Variants in PSD2 observed in about 807,000 individuals in gnomAD.
PSD2 encodes PH and SEC7 domain-containing protein 2.
In PSD2, 38 loss-of-function variants were observed where a neutral mutation model predicts 69.8. The observed-to-expected ratio is 0.54, with a 90% CI of 0.42 to 0.71. The LOEUF (loss-of-function observed/expected upper bound fraction) is 0.71, where lower values mean the gene tolerates loss of function less well. Among genes scored for constraint, PSD2 ranks in the 30% least tolerant of loss-of-function variants. The pLI is 0.00. For missense variants in PSD2, 943 were observed against 1,014.5 expected (o/e 0.93, Z 0.96); for synonymous variants, 412 against 423.0 (o/e 0.97, Z 0.32).
rs114323763 is a variant in PSD2 at position 139,837,049 on chromosome 5, G to A, written c.1594+48G>A. On this transcript the variant is annotated intron_variant, in intron 10 of 14. Transcript: ENST00000274710. This position sits in a 1 kb window ranked among gnomAD's most constrained non-coding sequence, Gnocchi z 5.0. ...GGCATGGGAGGGAGGCTGGCACAGAGGGGGGCGCCACGGGCCACTCTTTGG... is the reference window on the plus strand; with the variant it reads ...GGCATGGGAGGGAGGCTGGCACAGAAGGGGGCGCCACGGGCCACTCTTTGG... 3.7e-3 allele frequency: 5,817 copies of A among 1,593,120 alleles called. 209 individuals carry two copies. In the African/African-American group the frequency reaches 0.067, roughly 18 times the overall value.
chr5:139,780,807 G>A, the PSD2 span, among the ~76,000 whole-genome samples: 1 of 152,186 alleles, frequency 6.6e-6, no homozygotes, highest in African/African-American at 2.4e-5. Context: ...TTAATGATGA[G>A]AGTAGCAAAC....
At position 139,837,374 on chromosome 5, in the gene PSD2, C is replaced by T. The variant is rs1201210335; in HGVS notation, c.1665+136C>T. 2.1e-6 allele frequency: 2 copies of T among 931,408 alleles called. No individual in the cohort carries two copies. Among genetic ancestry groups the T allele is most frequent in the Non-Finnish European group, 1.6e-6 (1 of 614,136 alleles). The allele number at this position is 931,408 out of a possible 1,614,324, so 57.7% of individuals were successfully genotyped here. On this transcript the variant is annotated intron_variant, in intron 11 of 14. Transcript: ENST00000274710. This position sits in a 1 kb window ranked among gnomAD's most constrained non-coding sequence, Gnocchi z 5.0. ...CTGGGTCCTTCCCCAGACTTGGGCC[C>T]TCTCAGGGCTTTGGAGGTTTTTGGG... is the stretch of plus-strand genomic sequence containing the variant.
the PSD2 span, among the ~76,000 whole-genome samples, chr5:139,765,500 G>C: frequency 6.6e-6 from 1 of 152,116 alleles, no homozygotes; most frequent in African/African-American, 2.4e-5. Context: ...CTACAATCTC[G>C]TTCTGCCCAG....
intron 1 of PSD2, among the ~76,000 whole-genome samples, chr5:139,800,426 G>A (rs1419060022): frequency 6.6e-6 from 1 of 152,206 alleles, no homozygotes; most frequent in Non-Finnish European, 1.5e-5. Context: ...TTTCACACTT[G>A]CTCTTTGTGT....
chr5:139,796,231 C>A (rs1407867081), intron 1 of PSD2, among the ~76,000 whole-genome samples: 1 of 152,086 alleles, frequency 6.6e-6, no homozygotes, highest in East Asian at 1.9e-4. Context: ...GGAGAGGGGG[C>A]GCCGCGGGAA....
At chr5:139,781,529 G>A in the PSD2 span, among the ~76,000 whole-genome samples, 2 of 151,998 alleles carry the variant, frequency 1.3e-5, no homozygotes, top group South Asian at 4.2e-4. Flanking sequence ...TAGAGATGGG[G>A]TTTCACTGTG....
chr5:139,826,027 AT>A (rs1010884370), intron 7 of PSD2, among the ~76,000 whole-genome samples: 1 of 152,192 alleles, frequency 6.6e-6, no homozygotes, highest in African/African-American at 2.4e-5. Flanking sequence ...ACAAGACAGC[AT>A]TTCGAGGAGA....
At chr5:139,800,122 T>G (rs919554843) in intron 1 of PSD2, among the ~76,000 whole-genome samples, 3 of 152,346 alleles carry the variant, frequency 2.0e-5, no homozygotes, top group South Asian at 2.1e-4. Context: ...AGATGGCAGC[T>G]GCCCCTGTGG....
At chr5:139,766,651 C>T in the PSD2 span, among the ~76,000 whole-genome samples, 1 of 152,190 alleles carries the variant, frequency 6.6e-6, no homozygotes, top group Non-Finnish European at 1.5e-5. Context: ...AATAAGTTCC[C>T]TTAGACTTAA....
the PSD2 span, among the ~76,000 whole-genome samples, chr5:139,778,519 C>T: frequency 1.3e-5 from 2 of 152,344 alleles, no homozygotes; most frequent in South Asian, 2.1e-4. Context: ...TTAACCAATA[C>T]CCTATTTTAG....
chr5:139,787,192 C>T, the PSD2 span, among the ~76,000 whole-genome samples: 16 of 152,170 alleles, frequency 1.1e-4, no homozygotes, highest in Non-Finnish European at 1.8e-4. Flanking sequence ...GTCCTAGAAG[C>T]GCTCTCAAGC....
chr5:139,809,842 C>T, intron 2 of PSD2, 31 bp downstream of exon 2: 1 of 1,609,224 alleles, frequency 6.2e-7, no homozygotes, highest in Non-Finnish European at 8.5e-7. Flanking sequence ...GGGAGCTCAC[C>T]ACATTTGGCT....
intron 5 of PSD2, 60 bp downstream of exon 5, chr5:139,817,621 C>T (rs1760153956): frequency 7.4e-7 from 1 of 1,351,572 alleles, no homozygotes; most frequent in Non-Finnish European, 1.1e-6. Flanking sequence ...TCTGGATTCT[C>T]ATGTCAACTC....
the PSD2 span, among the ~76,000 whole-genome samples, chr5:139,781,053 A>T: frequency 4.6e-5 from 7 of 152,156 alleles, no homozygotes; most frequent in Non-Finnish European, 1.0e-4. Flanking sequence ...TCAGCTTCTG[A>T]TGCCATCCCC....
chr5:139,823,440 G>A (rs1209854327), intron 7 of PSD2, among the ~76,000 whole-genome samples: 1 of 152,206 alleles, frequency 6.6e-6, no homozygotes, highest in Non-Finnish European at 1.5e-5. Flanking sequence ...CACCCATGGT[G>A]GTTGGAGCCC....
chr5:139,751,249 A>G, the PSD2 span, among the ~76,000 whole-genome samples: 2 of 152,142 alleles, frequency 1.3e-5, no homozygotes, highest in Admixed American at 1.3e-4. Context: ...CTCCTGCCTG[A>G]GAGGGGGGCG....
At position 139,814,545 on chromosome 5, in the gene PSD2, T is replaced by C. The variant is rs894962890; in HGVS notation, c.1016+181T>C. Reference sequence around the variant, plus strand: ...CTGGCCTCGCCCTAAATCTGTTTCCTTTCTGGGCTGCTTGGGCGAAGCTGA... The same window carrying C: ...CTGGCCTCGCCCTAAATCTGTTTCCCTTCTGGGCTGCTTGGGCGAAGCTGA... On this transcript the variant is annotated intron_variant, in intron 4 of 14. Coordinates refer to ENST00000274710, the MANE Select transcript of PSD2 (RefSeq NM_032289.4). This position sits in a 1 kb window ranked among gnomAD's most constrained non-coding sequence, Gnocchi z 4.4. 6.6e-6 allele frequency among the ~76,000 whole-genome samples: 1 copy of C among 151,994 alleles called. No individual in the cohort carries two copies. Among genetic ancestry groups the C allele is most frequent in the East Asian group, 1.9e-4 (1 of 5,146 alleles).
In PSD2 at chr5:139,842,494, C is replaced by T; in HGVS notation, c.*20C>T. 1.2e-6 allele frequency: 2 copies of T among 1,606,424 alleles called. No homozygotes were observed. The highest frequency in any genetic ancestry group is 4.5e-5 in the East Asian group (2 of 44,694). ...ACTTAGCTGACATGGATTTGCAGAC[C>T]CCAGGGTGGGCAGATGTCTCCAGTG... On this transcript the variant is annotated 3_prime_UTR_variant, in exon 15 of 15. Transcript: ENST00000274710.
Position 139,843,227 on chromosome 5 carries a change from T to C in PSD2, c.*753T>C, listed in dbSNP as rs1246326854. 6.6e-6 allele frequency: 1 copy of C among 152,224 alleles called. No homozygotes were observed. The highest frequency in any genetic ancestry group is 1.5e-5 in the Non-Finnish European group (1 of 68,034). The allele number at this position is 152,224 out of a possible 1,614,324, so 9.4% of individuals were successfully genotyped here. On this transcript the variant is annotated 3_prime_UTR_variant, in exon 15 of 15. Coordinates refer to ENST00000274710, the MANE Select transcript of PSD2 (RefSeq NM_032289.4). ...AAAGCCTATTTTGGAGCTTCCCCTGTTAGGAAGGATGGCTGCACCTGGCCC... is the reference window on the plus strand; with the variant it reads ...AAAGCCTATTTTGGAGCTTCCCCTGCTAGGAAGGATGGCTGCACCTGGCCC...
Sources: allele counts gnomAD v4.1 joint callset (sites outside exome capture counted in the v4.1 genomes callset), GRCh38; gene constraint gnomAD v4.1.1; non-coding constraint Gnocchi (gnomAD v3.1); transcripts MANE v1.5; gene names NCBI Gene and HGNC (gene_info 2026-07-23, HGNC 2026-07-21).